The following FBXO42 variants were observed in gnomAD, a reference collection of about 807,000 sequenced individuals.
FBXO42 encodes the protein F-box protein 42.
Under a neutral mutation model 71.7 loss-of-function variants are expected in FBXO42, and 12 were observed. The ratio of observed to expected loss-of-function variants is 0.17; its 90% CI spans 0.11 to 0.27. The LOEUF is 0.27. Ranked by LOEUF, FBXO42 falls within the 10% of genes least tolerant of loss-of-function variation. The pLI is 1.00. For synonymous variants in FBXO42, 325 were observed against 327.5 expected, an observed-to-expected ratio of 0.99 and a Z score of 0.08; for missense variants, 707 against 911.9, an observed-to-expected ratio of 0.78 and a Z score of 2.89.
chr1:16,345,088 G>T (rs767149463), intron 1 of FBXO42, among the ~76,000 whole-genome samples: 11 of 151,850 alleles, frequency 7.2e-5, no homozygotes, highest in Non-Finnish European at 1.6e-4. Context: ...GACAGAGTGA[G>T]ACTCCGTCTC....
In FBXO42 at chr1:16,327,703, G is replaced by A. The variant is rs571537391; in HGVS notation, c.-17-12268C>T. On this transcript the variant is annotated intron_variant, in intron 1 of 9. Coordinates refer to ENST00000375592, the MANE Select transcript of FBXO42 (RefSeq NM_018994.3). The stretch of plus-strand genomic sequence containing the variant: ...ATCTCATTTATTTTAAGATGGGAAA[G>A]TTTTTGTTTTGTTTTTTAAGACGGA... Among the ~76,000 whole-genome samples the A allele has an allele frequency of 2.0e-5, 3 of 152,194 alleles. No individual in the cohort carries two copies. The East Asian group carries it at 5.8e-4, about 29-fold the overall frequency.
intron 2 of FBXO42, among the ~76,000 whole-genome samples, chr1:16,311,487 CAAAAAAAA>C (rs138051911): frequency 3.6e-5 from 4 of 110,762 alleles, no homozygotes; most frequent in Non-Finnish European, 7.1e-5. Flanking sequence ...GATCTTGTCT[CAAAAAAAA>C]AAAAAAAAAT....
intron 4 of FBXO42, among the ~76,000 whole-genome samples, chr1:16,259,866 T>C (rs929876550): frequency 6.6e-6 from 1 of 152,016 alleles, no homozygotes; most frequent in South Asian, 2.1e-4. Context: ...TCATAAAACA[T>C]GGCATACATA....
intron 1 of FBXO42, among the ~76,000 whole-genome samples, chr1:16,318,507 C>T (rs1268337932): frequency 6.6e-6 from 1 of 152,158 alleles, no homozygotes; most frequent in South Asian, 2.1e-4. Context: ...TGTCTTGCTT[C>T]TGCTTATCTG....
chr1:16,306,437 G>A (rs888797610), intron 2 of FBXO42, among the ~76,000 whole-genome samples: 1 of 152,112 alleles, frequency 6.6e-6, no homozygotes, highest in Non-Finnish European at 1.5e-5. Flanking sequence ...GAGGTTAGGT[G>A]ACATTAAAAA....
At chr1:16,300,621 C>G (rs1324480989) in intron 3 of FBXO42, among the ~76,000 whole-genome samples, 1 of 152,146 alleles carries the variant, frequency 6.6e-6, no homozygotes, top group Non-Finnish European at 1.5e-5. Context: ...CACCTACAAG[C>G]CAGAACATAT....
At chr1:16,288,452 A>AAAT (rs915415821) in intron 4 of FBXO42, among the ~76,000 whole-genome samples, 2 of 140,484 alleles carry the variant, frequency 1.4e-5, no homozygotes, top group African/African-American at 2.8e-5. Flanking sequence ...ATAAAAATAA[A>AAAT]AATAATAATA....
At chr1:16,316,666 C>A (rs1433971480) in intron 1 of FBXO42, among the ~76,000 whole-genome samples, 3 of 133,004 alleles carry the variant, frequency 2.3e-5, no homozygotes, top group African/African-American at 8.7e-5. Flanking sequence ...ACCTGGGAGA[C>A]AGAGGTTGCA....
chr1:16,261,734 C>G (rs1410339251), intron 4 of FBXO42, among the ~76,000 whole-genome samples: 3 of 151,742 alleles, frequency 2.0e-5, no homozygotes, highest in African/African-American at 7.3e-5. Context: ...AGACGCGTCT[C>G]ACTCTGTCGC....
chr1:16,332,471 T>C (rs2082509500), intron 1 of FBXO42, among the ~76,000 whole-genome samples: 1 of 152,136 alleles, frequency 6.6e-6, no homozygotes, highest in South Asian at 2.1e-4. Flanking sequence ...GTTATCCTCC[T>C]GGAGGTTGGA....
intron 4 of FBXO42, among the ~76,000 whole-genome samples, chr1:16,280,371 AAATGT>A (rs1274392672): frequency 6.6e-6 from 1 of 152,204 alleles, no homozygotes; most frequent in Admixed American, 6.5e-5. Flanking sequence ...CAAAAAGCCT[AAATGT>A]AATGTATCAA....
chr1:16,307,763 A>C (rs2100560431), intron 2 of FBXO42, among the ~76,000 whole-genome samples: 1 of 152,346 alleles, frequency 6.6e-6, no homozygotes, highest in Middle Eastern at 3.4e-3. Context: ...GGAAACCCAT[A>C]AAACTATGAT....
At chr1:16,313,340 G>C (rs1386966856) in intron 2 of FBXO42, among the ~76,000 whole-genome samples, 24 of 143,114 alleles carry the variant, frequency 1.7e-4, no homozygotes, top group African/African-American at 5.6e-4. Flanking sequence ...AAGAAAGAAA[G>C]AAAGAAAGAA....
At chr1:16,281,664 CTTT>C (rs1347142983) in intron 4 of FBXO42, among the ~76,000 whole-genome samples, 1 of 139,532 alleles carries the variant, frequency 7.2e-6, no homozygotes, top group Admixed American at 7.2e-5. Context: ...CTTTTTCTTT[CTTT>C]TTTTTTTTTG....
In FBXO42 at chr1:16,309,057, C is replaced by CTT. The variant is rs58594138; in HGVS notation, c.251-3140_251-3139dup. Among the ~76,000 whole-genome samples, 84 of 38,750 alleles carry CTT rather than the reference C, an allele frequency of 2.2e-3. 5 individuals carry two copies. The highest frequency in any genetic ancestry group is 9.1e-3 in the African/African-American group (76 of 8,332). 25.4% of individuals were successfully genotyped at this position (38,750 alleles called of 152,430 possible). ...CATGCCAGGCCGGGAGACCCCATCT[C>CTT]TTTTTTTTTTTTTTTTTTTTTTTTT... On this transcript the variant is annotated intron_variant, in intron 2 of 9. Coordinates refer to ENST00000375592, the MANE Select transcript of FBXO42 (RefSeq NM_018994.3).
chr1:16,341,212 T>C (rs889916467), intron 1 of FBXO42, among the ~76,000 whole-genome samples: 1 of 152,202 alleles, frequency 6.6e-6, no homozygotes, highest in Non-Finnish European at 1.5e-5. Context: ...AAATCCAACA[T>C]TTAAAGGATA....
intron 1 of FBXO42, among the ~76,000 whole-genome samples, chr1:16,344,158 C>A (rs905198394): frequency 2.6e-5 from 4 of 151,784 alleles, no homozygotes; most frequent in Admixed American, 1.3e-4. Flanking sequence ...CCACCACACC[C>A]AGCTAATTTT....
intron 1 of FBXO42, among the ~76,000 whole-genome samples, chr1:16,351,024 C>T (rs1178109711): frequency 6.6e-6 from 1 of 152,092 alleles, no homozygotes; most frequent in Non-Finnish European, 1.5e-5. Flanking sequence ...TCACTAATGG[C>T]CATAAGATAT....
Position 16,256,681 on chromosome 1 carries a change from C to T in FBXO42, c.581G>A (p.Arg194Gln), listed in dbSNP as rs376029455. 2 of 1,614,048 alleles carry T rather than the reference C, an allele frequency of 1.2e-6. No individual in the cohort carries two copies. The highest frequency in any genetic ancestry group is 2.2e-5 in the East Asian group (1 of 44,876). ...DLLVLFGGWT[R>Q]PSPYPLHQPE... is the part of the protein sequence containing the mutation. ...CTGGTGTAGGGGATAAGGGCTTGGC[C>T]GCGTCCAGCCACCAAACAGCACTAG... Residue 194 changes from arginine to glutamine, a missense_variant, in exon 5 of 10, where the codon CGG (arginine) becomes CAG (glutamine). Arg to Gln is a conservative substitution (Grantham distance 43). Around this residue, in one of 5 missense-constraint regions of FBXO42, gnomAD observed 10 missense variants for 40.2 expected, o/e 0.25. Transcript: ENST00000375592.
Sources: gnomAD v4.1 joint callset for allele counts (sites outside exome capture counted in the v4.1 genomes callset) on GRCh38, gnomAD v4.1.1 for gene constraint, gnomAD v4.1.1 regional missense constraint, MANE v1.5 for transcripts, NCBI Gene and HGNC (gene_info 2026-07-23, HGNC 2026-07-21) for gene names.